ZNRF2: variants seen among roughly 807,000 people sequenced by gnomAD.
The protein encoded by ZNRF2 is E3 ubiquitin-protein ligase ZNRF2.
Under a neutral mutation model 20.4 loss-of-function variants are expected in ZNRF2, and 16 were observed. The observed-to-expected ratio is 0.79, with a 90% confidence interval of 0.53 to 1.19. The LOEUF (loss-of-function observed/expected upper bound fraction) is 1.19, where lower values mean the gene tolerates loss of function less well. ZNRF2 is among the 50% of genes most tolerant of loss of function. The pLI, the probability that ZNRF2 is intolerant of heterozygous loss-of-function variation, is 0.00. For synonymous variants in ZNRF2, 178 were observed against 144.9 expected, an observed-to-expected ratio of 1.23 and a Z score of -1.64; for missense variants, 363 against 332.4, an observed-to-expected ratio of 1.09 and a Z score of -0.72.
In ZNRF2 at chr7:30,284,843, T is replaced by C. The variant is rs1285010639; in HGVS notation, c.-515T>C. 1 of 221,340 alleles carries C rather than the reference T, an allele frequency of 4.5e-6. No individual in the cohort carries two copies. The highest frequency in any genetic ancestry group is 9.5e-6 in the Non-Finnish European group (1 of 105,124). 13.7% of individuals were successfully genotyped at this position (221,340 alleles called of 1,614,324 possible). A position where few individuals can be genotyped will look rare whatever the true frequency, so the allele number is the denominator to read the frequency against. On this transcript the variant is annotated 5_prime_UTR_variant, in exon 1 of 5. Coordinates refer to ENST00000323037, the MANE Select transcript of ZNRF2 (RefSeq NM_147128.4). ...TTCCTCTTTCTCCGTTAATAACAGC[T>C]GGGTGGCTGGGGGAGGAGGGAAGGT...
intron 1 of ZNRF2, among the ~76,000 whole-genome samples, chr7:30,320,414 A>G (rs1799450986): frequency 6.6e-6 from 1 of 152,216 alleles, no homozygotes. Context: ...ACATACTAGT[A>G]GTACCCACAT....
chr7:30,342,312 C>T (rs190260202), intron 2 of ZNRF2, among the ~76,000 whole-genome samples: 1 of 152,142 alleles, frequency 6.6e-6, no homozygotes, highest in African/African-American at 2.4e-5. Context: ...GATGCAATTT[C>T]TTCATAGTGT....
At chr7:30,350,294 A>G (rs1204389426) in intron 2 of ZNRF2, among the ~76,000 whole-genome samples, 2 of 151,828 alleles carry the variant, frequency 1.3e-5, no homozygotes, top group African/African-American at 4.9e-5. Context: ...TTAAAAAGTC[A>G]TCATCAAAAG....
chr7:30,352,210 A>C (rs1769764652), intron 2 of ZNRF2, among the ~76,000 whole-genome samples: 1 of 152,046 alleles, frequency 6.6e-6, no homozygotes, highest in African/African-American at 2.4e-5. Flanking sequence ...ATGGAAATTC[A>C]TATTAAGTTT....
intron 1 of ZNRF2, among the ~76,000 whole-genome samples, chr7:30,316,059 C>T (rs950106220): frequency 3.3e-5 from 5 of 151,770 alleles, no homozygotes; most frequent in Non-Finnish European, 7.4e-5. Context: ...GAGGCCAAGG[C>T]GGGCAGATCA....
intron 1 of ZNRF2, chr7:30,288,989 G>C (rs1798847524): frequency 6.6e-6 from 1 of 152,184 alleles, no homozygotes; most frequent in Non-Finnish European, 1.5e-5. Context: ...ATGCAGCAAG[G>C]ATGGGGTAGA....
At chr7:30,358,377 G>A (rs1308284754) in intron 3 of ZNRF2, among the ~76,000 whole-genome samples, 1 of 152,174 alleles carries the variant, frequency 6.6e-6, no homozygotes, top group Non-Finnish European at 1.5e-5. Context: ...TAAGACTTTA[G>A]ATAAAATTTG....
intron 3 of ZNRF2, among the ~76,000 whole-genome samples, chr7:30,358,745 A>T (rs931724749): frequency 6.6e-6 from 1 of 152,222 alleles, no homozygotes; most frequent in South Asian, 2.1e-4. Flanking sequence ...ACTTGTGCCT[A>T]TCTGGAGAGA....
At chr7:30,319,189 T>TAGTG (rs1302327820) in intron 1 of ZNRF2, among the ~76,000 whole-genome samples, 3 of 152,018 alleles carry the variant, frequency 2.0e-5, no homozygotes, top group Non-Finnish European at 4.4e-5. Flanking sequence ...GCCCGGGCTG[T>TAGTG]AGTGCAGTGG....
chr7:30,313,949 C>T (rs1047426392), intron 1 of ZNRF2, among the ~76,000 whole-genome samples: 2 of 152,174 alleles, frequency 1.3e-5, no homozygotes, highest in African/African-American at 4.8e-5. Context: ...CATACTCTCT[C>T]ATATTATAAA....
chr7:30,319,977 T>C (rs548817925), intron 1 of ZNRF2, among the ~76,000 whole-genome samples: 1 of 152,344 alleles, frequency 6.6e-6, no homozygotes, highest in South Asian at 2.1e-4. Context: ...ATTCCTATAG[T>C]TGTTTACACA....
At chr7:30,295,050 A>AGAGTGTGTGTGTGT (rs1412764480) in intron 1 of ZNRF2, among the ~76,000 whole-genome samples, 2 of 38,282 alleles carry the variant, frequency 5.2e-5, no homozygotes, top group African/African-American at 1.3e-4. Context: ...AGAGAGAGAG[A>AGAGTGTGTGTGTGT]GTGTGTGTGT....
intron 2 of ZNRF2, among the ~76,000 whole-genome samples, chr7:30,327,130 AG>A (rs1320434846): frequency 1.3e-5 from 2 of 152,078 alleles, no homozygotes; most frequent in African/African-American, 4.8e-5. Context: ...GAAGCTCTTT[AG>A]TTTAATTAGA....
At chr7:30,302,505 G>A (rs1286848309) in intron 1 of ZNRF2, among the ~76,000 whole-genome samples, 1 of 151,348 alleles carries the variant, frequency 6.6e-6, no homozygotes, top group Non-Finnish European at 1.5e-5. Flanking sequence ...TCAGGGCCTT[G>A]GAAACAAATG....
At chr7:30,313,306 T>G (rs1333216077) in intron 1 of ZNRF2, among the ~76,000 whole-genome samples, 5 of 152,202 alleles carry the variant, frequency 3.3e-5, no homozygotes. Context: ...CATAGTTGTT[T>G]AAACCTTTTT....
chr7:30,289,489 C>G (rs1798856349), intron 1 of ZNRF2, among the ~76,000 whole-genome samples: 1 of 152,086 alleles, frequency 6.6e-6, no homozygotes, highest in Non-Finnish European at 1.5e-5. Flanking sequence ...TATTTTGTGC[C>G]ATTGAAGGCT....
At chr7:30,337,286 T>A (rs909039905) in intron 2 of ZNRF2, among the ~76,000 whole-genome samples, 10 of 152,178 alleles carry the variant, frequency 6.6e-5, no homozygotes, top group Admixed American at 3.3e-4. Context: ...TTTCTTATGC[T>A]TGTTAGTAAC....
At chr7:30,341,971 G>A (rs911118294) in intron 2 of ZNRF2, among the ~76,000 whole-genome samples, 1 of 151,596 alleles carries the variant, frequency 6.6e-6, no homozygotes, top group African/African-American at 2.4e-5. Flanking sequence ...TTACCATTAT[G>A]TAATGCGCTT....
intron 2 of ZNRF2, among the ~76,000 whole-genome samples, chr7:30,340,194 C>A (rs1799773685): frequency 6.6e-6 from 1 of 152,162 alleles, no homozygotes; most frequent in Non-Finnish European, 1.5e-5. Flanking sequence ...CATCTGCAAG[C>A]AGAGACAATT....
Sources: allele counts gnomAD v4.1 joint callset (sites outside exome capture counted in the v4.1 genomes callset), GRCh38; gene constraint gnomAD v4.1.1; transcripts MANE v1.5; gene names NCBI Gene and HGNC (gene_info 2026-07-23, HGNC 2026-07-21).